The following AGBL4 variants were observed in gnomAD, a reference collection of about 807,000 sequenced individuals.
The protein encoded by AGBL4 is AGBL carboxypeptidase 4.
AGBL4 carries 58 observed loss-of-function variants against 66.4 expected under a neutral mutation model. The ratio of observed to expected loss-of-function variants is 0.87; its 90% CI spans 0.71 to 1.09. The LOEUF is 1.09. Ranked by LOEUF, AGBL4 falls within the 50% of genes least tolerant of loss-of-function variation. The probability of loss-of-function intolerance (pLI) is 0.00; values close to 1 mark genes in which losing one functional copy is unlikely to be tolerated. For missense variants in AGBL4, 579 were observed against 631.0 expected, an observed-to-expected ratio of 0.92 and a Z score of 0.88; for synonymous variants, 234 against 222.9, an observed-to-expected ratio of 1.05 and a Z score of -0.44.
At chr1:48,610,415 T>C (rs914781800) in intron 9 of AGBL4, among the ~76,000 whole-genome samples, 1 of 152,186 alleles carries the variant, frequency 6.6e-6, no homozygotes, top group African/African-American at 2.4e-5. Context: ...ACAGAATCAC[T>C]GCCAGGTTGG....
At chr1:48,550,327 G>A (rs1351817843) in intron 11 of AGBL4, among the ~76,000 whole-genome samples, 2 of 151,656 alleles carry the variant, frequency 1.3e-5, no homozygotes, top group Non-Finnish European at 2.9e-5. Context: ...CAGGCCCCGG[G>A]GAGAAAACAG....
At chr1:49,935,405 G>A (rs1471255061) in intron 1 of AGBL4, among the ~76,000 whole-genome samples, 4 of 152,328 alleles carry the variant, frequency 2.6e-5, no homozygotes, top group African/African-American at 7.2e-5. Context: ...TCTGGGGGCA[G>A]GGCACAGACA....
intron 5 of AGBL4, among the ~76,000 whole-genome samples, chr1:48,874,652 T>C (rs896744166): frequency 2.0e-5 from 3 of 152,108 alleles, no homozygotes; most frequent in Admixed American, 6.6e-5. Context: ...ACCTATTATT[T>C]TCAGAACCAA....
chr1:48,536,907 C>T (rs1643980895), intron 12 of AGBL4, among the ~76,000 whole-genome samples: 1 of 152,196 alleles, frequency 6.6e-6, no homozygotes, highest in South Asian at 2.1e-4. Flanking sequence ...GCTCTTGTGC[C>T]CACATTGCTG....
intron 1 of AGBL4, among the ~76,000 whole-genome samples, chr1:49,915,069 G>C (rs1651259017): frequency 6.6e-6 from 1 of 152,050 alleles, no homozygotes; most frequent in African/African-American, 2.4e-5. Context: ...ATTAAAAGAG[G>C]CTACTTAGGA....
chr1:49,885,612 G>T (rs1335034462), intron 1 of AGBL4, among the ~76,000 whole-genome samples: 2 of 152,152 alleles, frequency 1.3e-5, no homozygotes, highest in East Asian at 3.9e-4. Flanking sequence ...ATTAGAGGAT[G>T]TTTCAATTAC....
At chr1:48,661,286 G>A (rs1646103446) in intron 7 of AGBL4, among the ~76,000 whole-genome samples, 1 of 152,232 alleles carries the variant, frequency 6.6e-6, no homozygotes, top group Admixed American at 6.5e-5. Context: ...AATGAGCCCT[G>A]TGAGATGGAT....
intron 1 of AGBL4, among the ~76,000 whole-genome samples, chr1:49,919,854 G>A (rs1652011263): frequency 6.6e-6 from 1 of 152,202 alleles, no homozygotes; most frequent in African/African-American, 2.4e-5. Context: ...CAAGGCTACA[G>A]TAACCAAAAC....
At chr1:49,877,062 A>G (rs1264466264) in intron 1 of AGBL4, among the ~76,000 whole-genome samples, 1 of 151,728 alleles carries the variant, frequency 6.6e-6, no homozygotes, top group Non-Finnish European at 1.5e-5. Flanking sequence ...TTTTGGGCTG[A>G]GACGATGGGG....
chr1:49,386,395 A>G (rs971988308), intron 3 of AGBL4, among the ~76,000 whole-genome samples: 6 of 151,868 alleles, frequency 4.0e-5, no homozygotes, highest in African/African-American at 1.4e-4. Context: ...ATGGAATAAA[A>G]TGTGGATTGA....
chr1:48,675,771 C>T (rs1431184927), intron 6 of AGBL4, among the ~76,000 whole-genome samples: 2 of 152,166 alleles, frequency 1.3e-5, no homozygotes, highest in East Asian at 3.8e-4. Context: ...CCATTTACAA[C>T]CAAGACTCTA....
chr1:49,881,175 G>T (rs888903430), intron 1 of AGBL4, among the ~76,000 whole-genome samples: 4 of 152,106 alleles, frequency 2.6e-5, no homozygotes, highest in South Asian at 2.1e-4. Context: ...TGGCCATCTT[G>T]ATGATTTCCA....
chr1:49,010,423 A>G (rs1401583903), intron 5 of AGBL4, among the ~76,000 whole-genome samples: 57 of 134,922 alleles, frequency 4.2e-4, no homozygotes, highest in African/African-American at 1.6e-3. Flanking sequence ...ATGGGTAGGA[A>G]GAATCAATAT....
At chr1:49,880,232 G>A (rs1466244153) in intron 1 of AGBL4, among the ~76,000 whole-genome samples, 3 of 151,882 alleles carry the variant, frequency 2.0e-5, no homozygotes, top group Non-Finnish European at 4.4e-5. Context: ...AGGAGGAGAG[G>A]CGCTCTGCGT....
chr1:48,950,978 C>A (rs577119587), intron 5 of AGBL4, among the ~76,000 whole-genome samples: 1 of 152,224 alleles, frequency 6.6e-6, no homozygotes, highest in South Asian at 2.1e-4. Context: ...CCTCAAAAAT[C>A]CAGATAAAAA....
intron 4 of AGBL4, among the ~76,000 whole-genome samples, chr1:49,199,137 T>A (rs1265197891): frequency 6.6e-6 from 1 of 152,178 alleles, no homozygotes; most frequent in East Asian, 1.9e-4. Flanking sequence ...ATTTAATCCT[T>A]ACAGCTACTA....
At chr1:49,972,462 T>C (rs1428536833) in intron 1 of AGBL4, among the ~76,000 whole-genome samples, 1 of 152,188 alleles carries the variant, frequency 6.6e-6, no homozygotes, top group Admixed American at 6.5e-5. Flanking sequence ...CTGAGGATAA[T>C]GGCCTACAAT....
intron 6 of AGBL4, among the ~76,000 whole-genome samples, chr1:48,732,007 T>G (rs538246981): frequency 2.6e-4 from 39 of 152,222 alleles, no homozygotes; most frequent in African/African-American, 9.1e-4. Context: ...TGTGGAGAGA[T>G]GCAGATGGTT....
chr1:49,801,880 T>C (rs1283542056), intron 2 of AGBL4, among the ~76,000 whole-genome samples: 1 of 152,228 alleles, frequency 6.6e-6, no homozygotes, highest in African/African-American at 2.4e-5. Context: ...ACGTCTGTTA[T>C]GGTGTCATCC....
Sources: allele counts gnomAD v4.1 joint callset (sites outside exome capture counted in the v4.1 genomes callset), GRCh38; gene constraint gnomAD v4.1.1; transcripts MANE v1.5; gene names NCBI Gene and HGNC (gene_info 2026-07-23, HGNC 2026-07-21).